MEI4: variants seen among roughly 807,000 people sequenced by gnomAD.
MEI4 encodes meiosis-specific protein MEI4.
A neutral mutation model predicts 31.4 loss-of-function variants in MEI4; 27 were observed. That is an observed-to-expected ratio of 0.86 (90% CI 0.63 to 1.19). MEI4 has a LOEUF of 1.19. Ranked by LOEUF, MEI4 falls within the 50% of genes most tolerant of loss-of-function variation. The probability of loss-of-function intolerance (pLI) is 0.00; values close to 1 mark genes in which losing one functional copy is unlikely to be tolerated. For missense variants in MEI4, 329 were observed against 398.9 expected, an observed-to-expected ratio of 0.82 and a Z score of 1.49; for synonymous variants, 122 against 145.4, an observed-to-expected ratio of 0.84 and a Z score of 1.16.
At chr6:77,853,098 T>G (rs1400169479) in intron 4 of MEI4, among the ~76,000 whole-genome samples, 1 of 152,108 alleles carries the variant, frequency 6.6e-6, no homozygotes, top group Non-Finnish European at 1.5e-5. Flanking sequence ...CTTGGGAGGC[T>G]GAGGCAGGAG....
chr6:77,730,957 C>T (rs4708360), intron 2 of MEI4, among the ~76,000 whole-genome samples: 151,803 of 151,806 alleles, frequency 1, 75,900 homozygotes, highest in Middle Eastern at 1. Flanking sequence ...GGACATGAAC[C>T]CATCATTTTT....
At chr6:77,696,997 G>T (rs571209857) in intron 2 of MEI4, among the ~76,000 whole-genome samples, 2 of 152,174 alleles carry the variant, frequency 1.3e-5, no homozygotes, top group South Asian at 2.1e-4. Flanking sequence ...AGTCTTGGGA[G>T]AGTGTATGTG....
chr6:77,807,348 A>G (rs1769465676), intron 3 of MEI4, among the ~76,000 whole-genome samples: 1 of 152,140 alleles, frequency 6.6e-6, no homozygotes, highest in Admixed American at 6.6e-5. Context: ...ACTTCATGTC[A>G]TTTTAGTCAA....
intron 4 of MEI4, among the ~76,000 whole-genome samples, chr6:77,894,024 A>G (rs909133792): frequency 6.6e-6 from 1 of 152,158 alleles, no homozygotes; most frequent in Non-Finnish European, 1.5e-5. Context: ...AAATATGTTT[A>G]CTGTTTATTA....
At chr6:77,738,198 G>A (rs1767304757) in intron 2 of MEI4, among the ~76,000 whole-genome samples, 1 of 152,156 alleles carries the variant, frequency 6.6e-6, no homozygotes, top group South Asian at 2.1e-4. Context: ...AAGGCAAAGG[G>A]AATTGTATTG....
intron 3 of MEI4, among the ~76,000 whole-genome samples, chr6:77,767,693 TCA>T (rs10612233): frequency 0.3 from 44,170 of 149,106 alleles, 6,718 homozygotes; most frequent in African/African-American, 0.39. Context: ...CAGGAAACTG[TCA>T]CACACACACA....
chr6:77,794,546 A>G (rs759161664), intron 3 of MEI4, among the ~76,000 whole-genome samples: 2 of 152,206 alleles, frequency 1.3e-5, no homozygotes, highest in South Asian at 2.1e-4. Context: ...TGGGTGACAG[A>G]GTGAGACTCT....
At chr6:77,830,921 AT>A (rs1459253232) in intron 4 of MEI4, among the ~76,000 whole-genome samples, 1 of 151,966 alleles carries the variant, frequency 6.6e-6, no homozygotes, top group Non-Finnish European at 1.5e-5. Context: ...TCAAGGCAAA[AT>A]GCTTCTGCAC....
chr6:77,703,427 A>G (rs1766265268), intron 2 of MEI4, among the ~76,000 whole-genome samples: 1 of 152,216 alleles, frequency 6.6e-6, no homozygotes, highest in Non-Finnish European at 1.5e-5. Context: ...TTAGCTTCTT[A>G]TCAGTGCAAC....
chr6:77,831,029 A>G (rs533754141), intron 4 of MEI4, among the ~76,000 whole-genome samples: 2 of 152,088 alleles, frequency 1.3e-5, no homozygotes, highest in Non-Finnish European at 2.9e-5. Context: ...TTACCAGAAT[A>G]TATAAAGAAC....
intron 1 of MEI4, among the ~76,000 whole-genome samples, chr6:77,666,757 T>A (rs929699108): frequency 1.7e-4 from 26 of 151,932 alleles, no homozygotes; most frequent in African/African-American, 6.3e-4. Context: ...TTGATTGATA[T>A]GCAGTATTAC....
At chr6:77,855,326 C>T (rs1313789367) in intron 4 of MEI4, among the ~76,000 whole-genome samples, 1 of 151,400 alleles carries the variant, frequency 6.6e-6, no homozygotes, top group Admixed American at 6.6e-5. Flanking sequence ...GCCGGGGCAA[C>T]ACAGCAAGAC....
chr6:77,859,762 G>A (rs1056959087), intron 4 of MEI4, among the ~76,000 whole-genome samples: 4 of 152,074 alleles, frequency 2.6e-5, no homozygotes, highest in African/African-American at 9.7e-5. Context: ...TTTGCTTACT[G>A]ATCTCACGTA....
chr6:77,869,082 G>T (rs896651264), intron 4 of MEI4, among the ~76,000 whole-genome samples: 2 of 152,130 alleles, frequency 1.3e-5, no homozygotes, highest in Non-Finnish European at 2.9e-5. Context: ...TCAGCTCTGT[G>T]CCAGAGACTG....
At chr6:77,691,690 T>C (rs1016639315) in intron 2 of MEI4, among the ~76,000 whole-genome samples, 1 of 152,048 alleles carries the variant, frequency 6.6e-6, no homozygotes, top group African/African-American at 2.4e-5. Flanking sequence ...AATATTTTAC[T>C]GTATTGCTTA....
chr6:77,729,921 G>A (rs1222800317), intron 2 of MEI4, among the ~76,000 whole-genome samples: 1 of 152,154 alleles, frequency 6.6e-6, no homozygotes, highest in Non-Finnish European at 1.5e-5. Context: ...ATATCAACCT[G>A]AGTTGCCTAG....
At chr6:77,681,118 C>T (rs577774679) in intron 1 of MEI4, among the ~76,000 whole-genome samples, 2 of 152,280 alleles carry the variant, frequency 1.3e-5, no homozygotes, top group East Asian at 3.9e-4. Flanking sequence ...GGCCCTGGCT[C>T]AGCTGGTCCT....
intron 1 of MEI4, among the ~76,000 whole-genome samples, chr6:77,665,125 G>A (rs1196930085): frequency 1.3e-5 from 2 of 151,874 alleles, no homozygotes; most frequent in Non-Finnish European, 2.9e-5. Context: ...GCAGAGATAA[G>A]AGGTCGGGGC....
chr6:77,667,661 A>G (rs778767695), intron 1 of MEI4, among the ~76,000 whole-genome samples: 5 of 152,216 alleles, frequency 3.3e-5, no homozygotes, highest in Non-Finnish European at 7.3e-5. Flanking sequence ...GATAAAAAGC[A>G]TCCCAGAGTG....
Sources: allele counts gnomAD v4.1 joint callset (sites outside exome capture counted in the v4.1 genomes callset), GRCh38; gene constraint gnomAD v4.1.1; transcripts MANE v1.5; gene names NCBI Gene and HGNC (gene_info 2026-07-23, HGNC 2026-07-21).